Variants in PCDHGA10 observed in about 807,000 individuals in gnomAD.
The protein encoded by PCDHGA10 is protocadherin gamma subfamily A, 10.
PCDHGA10 carries 42 observed loss-of-function variants against 59.5 expected under a neutral mutation model. That is an observed-to-expected ratio of 0.71 (90% CI 0.55 to 0.91). The LOEUF (loss-of-function observed/expected upper bound fraction) is 0.91. PCDHGA10 is among the 40% of genes least tolerant of loss of function. The pLI is 0.00. For synonymous variants in PCDHGA10, 511 were observed against 517.2 expected (o/e 0.99, Z 0.16); for missense variants, 1,111 against 1,198.2 (o/e 0.93, Z 1.07).
At chr5:141,510,818 A>C in intron 3 of PCDHGA10, 129 bp from the exon 4 acceptor site, 1 of 1,551,540 alleles carries the variant, frequency 6.4e-7, no homozygotes, top group Non-Finnish European at 8.7e-7. Context: ...TGACCCCTAT[A>C]TTCCCAGTGC....
chr5:141,479,651 C>A (rs56818742), intron 1 of PCDHGA10: 43,954 of 152,194 alleles, frequency 0.29, 6,853 homozygotes, highest in African/African-American at 0.41. Flanking sequence ...ACAACAACAA[C>A]AATCCCAGAA....
chr5:141,421,634 A>G (rs771759412), intron 1 of PCDHGA10: 12 of 1,613,714 alleles, frequency 7.4e-6, no homozygotes, highest in South Asian at 1.1e-5. Context: ...AGCTTCCAGG[A>G]GGACGAAGTG....
At chr5:141,482,530 C>CAAAAAAAAAAAA (rs3074545) in intron 1 of PCDHGA10, among the ~76,000 whole-genome samples, 11 of 76,552 alleles carry the variant, frequency 1.4e-4, no homozygotes, top group African/African-American at 2.9e-4. Flanking sequence ...GACAGACATG[C>CAAAAAAAAAAAA]AAAAAAAAAA....
chr5:141,489,804 G>A lies in PCDHGA10; in HGVS notation c.2437-5003G>A, dbSNP rs2099692572. 1 of 1,614,056 alleles carries A rather than the reference G, an allele frequency of 6.2e-7. No homozygotes were observed. The highest frequency in any genetic ancestry group is 1.3e-5 in the African/African-American group (1 of 74,932). ...TGAATGTGAAGACCCTAAAAGATGG[G>A]AAGCCATTCCCAGAGCTGGTGCTAG... On this transcript the variant is annotated intron_variant, in intron 1 of 3. Transcript: ENST00000398610. The surrounding 1 kb of genome is among the most constrained non-coding windows in gnomAD (Gnocchi z 4.5).
intron 1 of PCDHGA10, among the ~76,000 whole-genome samples, chr5:141,482,530 C>CAAAAAAAAAAAAAA (rs3074545): frequency 1.2e-4 from 9 of 76,558 alleles, no homozygotes; most frequent in African/African-American, 3.8e-4. Flanking sequence ...GACAGACATG[C>CAAAAAAAAAAAAAA]AAAAAAAAAA....
chr5:141,436,958 G>C (rs2097855854), intron 1 of PCDHGA10, among the ~76,000 whole-genome samples: 1 of 152,124 alleles, frequency 6.6e-6, no homozygotes, highest in Non-Finnish European at 1.5e-5. Context: ...ATCTAAACAA[G>C]GATCTTGTGA....
rs2097721634 is a variant in PCDHGA10, at chr5:141,434,835, A to G, written c.2436+19224A>G. On this transcript the variant is annotated intron_variant, in intron 1 of 3. Coordinates refer to ENST00000398610, the MANE Select transcript of PCDHGA10 (RefSeq NM_018913.3). ...ATATCCCTTAGTACACTTGGCATTT[A>G]TAAAGCAGACATCAATAAATTTATA... 2.0e-5 allele frequency among the ~76,000 whole-genome samples: 3 copies of G among 151,972 alleles called. 1 individual carries two copies. In the South Asian group the frequency reaches 6.2e-4, roughly 32 times the overall value.
At chr5:141,437,393 G>T (rs1034237295) in intron 1 of PCDHGA10, among the ~76,000 whole-genome samples, 3 of 152,180 alleles carry the variant, frequency 2.0e-5, no homozygotes, top group Admixed American at 6.5e-5. Flanking sequence ...TTCATCCACT[G>T]CTTTCATTCC....
At chr5:141,418,563 C>T in intron 1 of PCDHGA10, 2 of 1,613,998 alleles carry the variant, frequency 1.2e-6, no homozygotes, top group Non-Finnish European at 1.7e-6. Context: ...GTAATAGATG[C>T]CAATGACAAC....
chr5:141,419,939 G>C, intron 1 of PCDHGA10: 6 of 1,614,054 alleles, frequency 3.7e-6, no homozygotes, highest in Admixed American at 1.7e-5. Flanking sequence ...TTACCTGGTG[G>C]TGGCCTTGGC....
chr5:141,457,877 C>A (rs1488774514), intron 1 of PCDHGA10, among the ~76,000 whole-genome samples: 1 of 152,196 alleles, frequency 6.6e-6, no homozygotes, highest in Admixed American at 6.6e-5. Context: ...AGGTTAGGAA[C>A]CCTGTGTGGG....
intron 1 of PCDHGA10, chr5:141,427,255 G>C (rs1369151995): frequency 2.2e-6 from 1 of 456,746 alleles, no homozygotes; most frequent in Non-Finnish European, 4.4e-6. Flanking sequence ...GATGGTGGAG[G>C]CATGACCAGC....
chr5:141,476,733 G>C lies in PCDHGA10; in HGVS notation c.2437-18074G>C, dbSNP rs373439335. On this transcript the variant is annotated intron_variant, in intron 1 of 3. Transcript: ENST00000398610. This position sits in a 1 kb window ranked among gnomAD's most constrained non-coding sequence, Gnocchi z 7.6. ...TTGGAGCGCGCCCTGGACCGAGAAC[G>C]GGAGCCTAGTCTCCAGTTAGTGCTG... 6.2e-6 allele frequency: 10 copies of C among 1,614,062 alleles called. No individual in the cohort carries two copies. The highest frequency in any genetic ancestry group is 2.2e-5 in the East Asian group (1 of 44,870).
chr5:141,422,750 T>C (rs778578440), intron 1 of PCDHGA10: 4 of 1,611,900 alleles, frequency 2.5e-6, no homozygotes, highest in Non-Finnish European at 3.4e-6. Flanking sequence ...TATGTCTCTA[T>C]TAACTCCAAC....
intron 1 of PCDHGA10, chr5:141,484,976 G>T: frequency 1.7e-6 from 1 of 592,920 alleles, no homozygotes; most frequent in South Asian, 2.1e-5. Flanking sequence ...GCCGCTGTCT[G>T]CCAATCGGGT....
intron 1 of PCDHGA10, among the ~76,000 whole-genome samples, chr5:141,468,165 A>T (rs1249592462): frequency 1.3e-5 from 2 of 151,940 alleles, no homozygotes; most frequent in Non-Finnish European, 2.9e-5. Flanking sequence ...TCTCTGCTAA[A>T]AATAGAAAAA....
chr5:141,437,693 C>G (rs1305650032), intron 1 of PCDHGA10, among the ~76,000 whole-genome samples: 1 of 151,638 alleles, frequency 6.6e-6, no homozygotes, highest in African/African-American at 2.4e-5. Context: ...GAGGCTAAAT[C>G]TCAAGAAAGA....
Position 141,491,930 on chromosome 5 carries a change from G to A in PCDHGA10, c.2437-2877G>A, listed in dbSNP as rs2099735399. On this transcript the variant is annotated intron_variant, in intron 1 of 3. Transcript: ENST00000398610. The surrounding 1 kb of genome is among the most constrained non-coding windows in gnomAD (Gnocchi z 6.9). ...GTGGCGACTGTGGGCGAGGGGAGGT[G>A]GGACCGACCCCCACCCCTACACTCA... 1.6e-6 allele frequency: 2 copies of A among 1,276,580 alleles called. No homozygotes were observed. The highest frequency in any genetic ancestry group is 2.1e-6 in the Non-Finnish European group (2 of 943,112). 79.1% of individuals were successfully genotyped at this position (1,276,580 alleles called of 1,614,324 possible).
intron 1 of PCDHGA10, among the ~76,000 whole-genome samples, chr5:141,437,741 C>CTTT (rs35124340): frequency 4.2e-5 from 6 of 141,750 alleles, no homozygotes; most frequent in Admixed American, 7.0e-5. Flanking sequence ...TTGAGTTCAC[C>CTTT]TTTTTTTTTT....
Sources: gnomAD v4.1 joint callset for allele counts (sites outside exome capture counted in the v4.1 genomes callset) on GRCh38, gnomAD v4.1.1 for gene constraint, Gnocchi (gnomAD v3.1) non-coding constraint, MANE v1.5 for transcripts, NCBI Gene and HGNC (gene_info 2026-07-23, HGNC 2026-07-21) for gene names.